Variants in MBOAT2 observed in about 807,000 individuals in gnomAD.
The protein encoded by MBOAT2 is membrane bound glycerophospholipid O-acyltransferase 2, also known as membrane-bound glycerophospholipid O-acyltransferase 2.
MBOAT2 carries 28 observed loss-of-function variants against 63.4 expected under a neutral mutation model. The ratio of observed to expected loss-of-function variants is 0.44; its 90% CI spans 0.33 to 0.61. MBOAT2 has a LOEUF of 0.61. Among genes scored for constraint, MBOAT2 ranks in the 20% least tolerant of loss-of-function variants. MBOAT2 has a pLI of 0.03. For missense variants in MBOAT2, 470 were observed against 605.8 expected (o/e 0.78, Z 2.35); for synonymous variants, 211 against 215.6 (o/e 0.98, Z 0.19).
At chr2:8,939,645 T>C (rs1435267611) in intron 3 of MBOAT2, among the ~76,000 whole-genome samples, 6 of 152,174 alleles carry the variant, frequency 3.9e-5, no homozygotes, top group African/African-American at 1.2e-4. Flanking sequence ...CGGGCTTCCG[T>C]GGCTGCTTTC....
intron 2 of MBOAT2, among the ~76,000 whole-genome samples, chr2:8,948,382 C>T (rs1668573979): frequency 6.6e-6 from 1 of 152,136 alleles, no homozygotes; most frequent in African/African-American, 2.4e-5. Context: ...GATACATATG[C>T]AGTACCTAGG....
At chr2:8,916,833 G>A (rs1666218843) in intron 3 of MBOAT2, among the ~76,000 whole-genome samples, 1 of 152,070 alleles carries the variant, frequency 6.6e-6, no homozygotes, top group African/African-American at 2.4e-5. Context: ...TGTTTACTAT[G>A]TACCTTTTGT....
At chr2:8,867,228 G>T (rs1170721166) in intron 9 of MBOAT2, among the ~76,000 whole-genome samples, 1 of 151,934 alleles carries the variant, frequency 6.6e-6, no homozygotes, top group Admixed American at 6.6e-5. Context: ...TGTTGCCCAG[G>T]CTGGTCTCAA....
intron 1 of MBOAT2, among the ~76,000 whole-genome samples, chr2:8,974,160 A>T (rs550987326): frequency 1.9e-4 from 29 of 152,162 alleles, no homozygotes; most frequent in Non-Finnish European, 4.0e-4. Flanking sequence ...TAACCAGACC[A>T]GGCAGTCATG....
chr2:8,906,576 G>A (rs988444963), intron 4 of MBOAT2, among the ~76,000 whole-genome samples: 16 of 152,178 alleles, frequency 1.1e-4, no homozygotes, highest in African/African-American at 3.1e-4. Context: ...CTCTTATTAC[G>A]TTGAGCCACT....
At chr2:8,921,495 A>G (rs1666563849) in intron 3 of MBOAT2, among the ~76,000 whole-genome samples, 1 of 152,202 alleles carries the variant, frequency 6.6e-6, no homozygotes, top group South Asian at 2.1e-4. Context: ...AGAGACATGT[A>G]TATAGACTTC....
In MBOAT2 at chr2:9,003,478, G is replaced by A; in HGVS notation, c.75+62C>T. The A allele has an allele frequency of 9.1e-7, 1 of 1,094,210 alleles. No individual in the cohort carries two copies. Among genetic ancestry groups the A allele is most frequent in the Non-Finnish European group, 1.1e-6 (1 of 883,444 alleles). 67.8% of individuals were successfully genotyped at this position (1,094,210 alleles called of 1,614,324 possible). ...CCTCCTCCCGGGCCCCCGGTCGGGT[G>A]GCACCGCGGCGGGGAGGGGCGGCGA... On this transcript the variant is annotated intron_variant, in intron 1 of 12. Coordinates refer to ENST00000305997, the MANE Select transcript of MBOAT2 (RefSeq NM_138799.4). The surrounding 1 kb of genome is among the most constrained non-coding windows in gnomAD (Gnocchi z 5.4).
intron 3 of MBOAT2, among the ~76,000 whole-genome samples, chr2:8,917,626 A>G (rs1262782569): frequency 5.3e-5 from 8 of 152,220 alleles, no homozygotes; most frequent in Admixed American, 3.3e-4. Context: ...GCTCGCATAC[A>G]CTGCCAGTGG....
intron 3 of MBOAT2, among the ~76,000 whole-genome samples, chr2:8,935,159 G>A (rs1478657830): frequency 6.6e-6 from 1 of 152,166 alleles, no homozygotes; most frequent in South Asian, 2.1e-4. Flanking sequence ...AAAAGCAAGA[G>A]GGAAGAGAAG....
intron 2 of MBOAT2, 112 bp downstream of exon 2, chr2:8,958,385 C>A: frequency 8.9e-7 from 1 of 1,119,970 alleles, no homozygotes; most frequent in South Asian, 2.9e-5. Context: ...GGAGAAAAAA[C>A]TTTTTAAGTA....
At chr2:8,903,479 T>C (rs1319836381) in intron 4 of MBOAT2, among the ~76,000 whole-genome samples, 1 of 152,122 alleles carries the variant, frequency 6.6e-6, no homozygotes, top group Non-Finnish European at 1.5e-5. Context: ...CACATAGATT[T>C]TTTTTTTTGG....
intron 1 of MBOAT2, among the ~76,000 whole-genome samples, chr2:8,992,363 C>G (rs1251988473): frequency 6.6e-6 from 1 of 152,182 alleles, no homozygotes; most frequent in Non-Finnish European, 1.5e-5. Flanking sequence ...TCTCAAACTC[C>G]TGGACTCAAG....
At chr2:8,939,268 A>T (rs946867742) in intron 3 of MBOAT2, among the ~76,000 whole-genome samples, 1 of 152,126 alleles carries the variant, frequency 6.6e-6, no homozygotes, top group African/African-American at 2.4e-5. Context: ...TGTCCCCCAC[A>T]TCCATGTCCT....
In MBOAT2 at chr2:8,876,535, A is replaced by G. The variant is rs1025752554; in HGVS notation, c.690+495T>C. Among the ~76,000 whole-genome samples, 17 of 152,220 alleles carry G rather than the reference A, an allele frequency of 1.1e-4. No homozygotes were observed. The East Asian group carries it at 3.3e-3, about 29-fold the overall frequency. ...GTGGGAATCAGGAGCTGTTTTGTGG[A>G]AAAAGGTGGTATTTGAAGTAGGCTT... On this transcript the variant is annotated intron_variant, in intron 7 of 12. Coordinates refer to ENST00000305997, the MANE Select transcript of MBOAT2 (RefSeq NM_138799.4).
intron 1 of MBOAT2, among the ~76,000 whole-genome samples, chr2:8,990,585 G>C (rs559042921): frequency 6.6e-6 from 1 of 152,144 alleles, no homozygotes; most frequent in African/African-American, 2.4e-5. Flanking sequence ...AAAACTCTGA[G>C]TATATGCCAA....
chr2:8,926,714 A>AAT (rs1213844172), intron 3 of MBOAT2, among the ~76,000 whole-genome samples: 2 of 152,212 alleles, frequency 1.3e-5, no homozygotes, highest in East Asian at 3.8e-4. Flanking sequence ...GCATGGTCAG[A>AAT]CAGATACTGT....
At position 8,993,615 on chromosome 2, in the gene MBOAT2, A is replaced by AC. The variant is rs565685503; in HGVS notation, c.75+9924dup. Among the ~76,000 whole-genome samples the AC allele has an allele frequency of 1.6e-4, 24 of 152,054 alleles. No homozygotes were observed. The South Asian group carries it at 4.4e-3, about 28-fold the overall frequency. On this transcript the variant is annotated intron_variant, in intron 1 of 12. Transcript: ENST00000305997. ...AAGTCCCCTGGGAACACCCAGCATG[A>AC]CCCCACTAGACCCACTAGACCGCAT...
chr2:8,877,367 A>G (rs1017405297), intron 6 of MBOAT2, among the ~76,000 whole-genome samples, 154 bp from the exon 7 acceptor site: 1 of 152,272 alleles, frequency 6.6e-6, no homozygotes, highest in Non-Finnish European at 1.5e-5. Context: ...GGATCAGAAC[A>G]TAGTCATGCT....
rs939331249 is a variant in MBOAT2 at position 8,969,231 on chromosome 2, A to G, written c.76-10589T>C. 4.6e-5 allele frequency among the ~76,000 whole-genome samples: 7 copies of G among 152,242 alleles called. No individual in the cohort carries two copies. In the South Asian group the frequency reaches 1.2e-3, roughly 27 times the overall value. On this transcript the variant is annotated intron_variant, in intron 1 of 12. Transcript: ENST00000305997. ...GGGCCAATATTCAACATTCTTAAAG[A>G]AAAGAATTTTCAACCCAGAATTTCA...
Sources: gnomAD v4.1 joint callset for allele counts (sites outside exome capture counted in the v4.1 genomes callset) on GRCh38, gnomAD v4.1.1 for gene constraint, Gnocchi (gnomAD v3.1) non-coding constraint, MANE v1.5 for transcripts, NCBI Gene and HGNC (gene_info 2026-07-23, HGNC 2026-07-21) for gene names.